TENM2: variants seen among roughly 807,000 people sequenced by gnomAD.
TENM2 encodes the protein teneurin-2.
A neutral mutation model predicts 245.2 loss-of-function variants in TENM2; 52 were observed. The observed-to-expected ratio is 0.21, with a 90% CI of 0.17 to 0.27. The LOEUF is 0.27. Among genes scored for constraint, TENM2 ranks in the 10% least tolerant of loss-of-function variants. The pLI is 1.00. For synonymous variants in TENM2, 1,363 were observed against 1,438.9 expected (o/e 0.95, Z 1.19); for missense variants, 3,046 against 3,666.8 (o/e 0.83, Z 4.37).
the TENM2 span, among the ~76,000 whole-genome samples, chr5:167,210,535 C>T: frequency 6.8e-6 from 1 of 146,962 alleles, no homozygotes; most frequent in Non-Finnish European, 1.5e-5. Flanking sequence ...GCAATCTCGG[C>T]TCACTGCAAG....
At chr5:168,013,022 A>G (rs1713045054) in intron 5 of TENM2, among the ~76,000 whole-genome samples, 1 of 152,126 alleles carries the variant, frequency 6.6e-6, no homozygotes, top group Admixed American at 6.5e-5. Flanking sequence ...ATCCACCTTC[A>G]AAGGAGGGAG....
rs549431032 is a variant in TENM2 at position 168,164,984 on chromosome 5, G to A, written c.2569+2227G>A. Reference sequence around the variant, plus strand: ...GAATCCATCGGGGTGGTGGATGAGAGTATTAGATATTCTATTTTTATTTTT... The same window carrying A: ...GAATCCATCGGGGTGGTGGATGAGAATATTAGATATTCTATTTTTATTTTT... On this transcript the variant is annotated intron_variant, in intron 13 of 28. Transcript: ENST00000518659. Among the ~76,000 whole-genome samples, 4 of 152,264 alleles carry A rather than the reference G, an allele frequency of 2.6e-5. No individual in the cohort carries two copies. The East Asian group carries it at 5.8e-4, about 22-fold the overall frequency.
At chr5:167,244,440 G>A in the TENM2 span, among the ~76,000 whole-genome samples, 1 of 152,196 alleles carries the variant, frequency 6.6e-6, no homozygotes, top group Non-Finnish European at 1.5e-5. Flanking sequence ...CATCAACAAT[G>A]TGGAAATGCA....
chr5:167,087,676 A>G, the TENM2 span, among the ~76,000 whole-genome samples: 1 of 152,218 alleles, frequency 6.6e-6, no homozygotes, highest in East Asian at 1.9e-4. Context: ...TAATGCAGTA[A>G]TATAAAGTAG....
chr5:167,804,005 C>G (rs1294805082), intron 2 of TENM2, among the ~76,000 whole-genome samples: 1 of 151,998 alleles, frequency 6.6e-6, no homozygotes, highest in African/African-American at 2.4e-5. Context: ...TGAGCGCCAG[C>G]ATGATGTTCA....
At chr5:167,098,206 A>G in the TENM2 span, among the ~76,000 whole-genome samples, 3 of 152,210 alleles carry the variant, frequency 2.0e-5, no homozygotes, top group Admixed American at 1.3e-4. Context: ...ACATGTGTGT[A>G]TAGCTGTATT....
rs58911868 is a variant in TENM2 at position 168,257,615 on chromosome 5, AT to A, written c.7433-2649del. On this transcript the variant is annotated intron_variant, in intron 27 of 28. Transcript: ENST00000518659. The stretch of plus-strand genomic sequence containing the variant: ...TCAGGAATGTCATGGGCAGCTCCTG[AT>A]TTTTTTTTTTTTTTTTTTGTGACGG... Among the ~76,000 whole-genome samples the A allele has an allele frequency of 5.5e-3, 717 of 130,986 alleles. 4 individuals carry two copies. The highest frequency in any genetic ancestry group is 0.017 in the Middle Eastern group (4 of 238). 85.9% of individuals were successfully genotyped at this position (130,986 alleles called of 152,430 possible).
chr5:168,162,944 G>A (rs150514712), intron 13 of TENM2, among the ~76,000 whole-genome samples, 187 bp downstream of exon 15: 2,207 of 152,320 alleles, frequency 0.014, 18 homozygotes, highest in Middle Eastern at 0.024. Context: ...GGGAGACACC[G>A]GCTGGAGGCA....
chr5:168,039,551 A>T lies in TENM2; in HGVS notation c.1187-7876A>T, dbSNP rs560122968. Among the ~76,000 whole-genome samples the T allele has an allele frequency of 5.1e-4, 78 of 152,184 alleles. 1 individual carries two copies. The South Asian group carries it at 0.014, about 26-fold the overall frequency. ...GGAGAAAGAAAAGCTTTTATTTCTT[A>T]ACCAGGAAAAAAATTGCAGCAGGAA... On this transcript the variant is annotated intron_variant, in intron 5 of 28. Transcript: ENST00000518659.
intron 2 of TENM2, among the ~76,000 whole-genome samples, chr5:167,618,424 A>C (rs1165169335): frequency 1.3e-5 from 2 of 152,066 alleles, no homozygotes; most frequent in African/African-American, 2.4e-5. Context: ...ATTAGAATCA[A>C]ATCCTCTGGG....
Position 168,218,532 on chromosome 5 carries a change from A to G in TENM2, c.4641A>G (p.Ser1547=). The stretch of plus-strand genomic sequence containing the variant: ...CTGATGCCATCTTGAATTCCCCATC[A>G]TCCTTAGCTGTAGCTCCAGATGGTA... The change falls in exon 23 of 29, where the codon TCA becomes TCG. Residue 1547 remains serine (S), a synonymous_variant. Coordinates refer to ENST00000518659, the Ensembl canonical transcript of TENM2. The surrounding 1 kb of genome is among the most constrained non-coding windows in gnomAD (Gnocchi z 5.2). The G allele has an allele frequency of 6.2e-7, 1 of 1,614,002 alleles. No homozygotes were observed. Among genetic ancestry groups the G allele is most frequent in the Non-Finnish European group, 8.5e-7 (1 of 1,179,890 alleles).
chr5:167,179,617 A>G, the TENM2 span, among the ~76,000 whole-genome samples: 15,014 of 152,040 alleles, frequency 0.099, 1,952 homozygotes, highest in East Asian at 0.37. Context: ...ATTTCTGCTT[A>G]TATACTTACA....
At chr5:167,375,604 A>G (rs1169921137) in intron 2 of TENM2, 131 bp downstream of exon 4, 2 of 957,302 alleles carry the variant, frequency 2.1e-6, no homozygotes, top group Non-Finnish European at 1.5e-6. Context: ...TTGTCTACCC[A>G]GTGTGAGCTG....
the TENM2 span, among the ~76,000 whole-genome samples, chr5:167,232,289 A>C: frequency 1.3e-5 from 2 of 152,102 alleles, no homozygotes; most frequent in Non-Finnish European, 2.9e-5. Flanking sequence ...AACAGCTTGC[A>C]CTGTGCACCT....
chr5:167,242,513 C>G, the TENM2 span, among the ~76,000 whole-genome samples: 2 of 152,128 alleles, frequency 1.3e-5, no homozygotes, highest in East Asian at 1.9e-4. Context: ...TTTTCTTCCT[C>G]CTCTGCTGCC....
intron 3 of TENM2, among the ~76,000 whole-genome samples, chr5:167,882,220 A>T (rs1198933241): frequency 1.3e-5 from 2 of 152,192 alleles, no homozygotes; most frequent in African/African-American, 2.4e-5. Flanking sequence ...GCATCACAAA[A>T]TACCCTTTAC....
At chr5:167,922,016 G>A (rs1241814015) in intron 3 of TENM2, among the ~76,000 whole-genome samples, 1 of 152,112 alleles carries the variant, frequency 6.6e-6, no homozygotes, top group African/African-American at 2.4e-5. Context: ...AACTCTAGTG[G>A]ACAGGGCCAG....
chr5:167,268,881 G>GATAGATAGATAGATAGATAGATAC, the TENM2 span, among the ~76,000 whole-genome samples: 7 of 130,504 alleles, frequency 5.4e-5, no homozygotes, highest in African/African-American at 1.9e-4. Flanking sequence ...TACATAGATA[G>GATAGATAGATAGATAGATAGATAC]ATAGATAGAT....
rs1176405769 is a variant in TENM2 at position 167,801,095 on chromosome 5, G to GAAAAA, written c.503-74880_503-74876dup. Among the ~76,000 whole-genome samples, 28 of 50,702 alleles carry GAAAAA rather than the reference G, an allele frequency of 5.5e-4. 2 individuals carry two copies. In the East Asian group the frequency reaches 7.6e-3, roughly 14 times the overall value. 33.3% of individuals were successfully genotyped at this position (50,702 alleles called of 152,430 possible). A position where few individuals can be genotyped will look rare whatever the true frequency, so the allele number is the denominator to read the frequency against. ...CCTATACTTTGAATGTATTTGAAAA[G>GAAAAA]AAAAAAAAAAAAAAATATATATATA... On this transcript the variant is annotated intron_variant, in intron 2 of 28. Transcript: ENST00000518659.
Sources: allele counts gnomAD v4.1 joint callset (sites outside exome capture counted in the v4.1 genomes callset), GRCh38; gene constraint gnomAD v4.1.1; non-coding constraint Gnocchi (gnomAD v3.1); transcripts MANE v1.5; gene names NCBI Gene and HGNC (gene_info 2026-07-23, HGNC 2026-07-21).